Variants in ELAVL2 observed in about 807,000 individuals in gnomAD.
The protein encoded by ELAVL2 is ELAV like RNA binding protein 2.
In ELAVL2, 4 loss-of-function variants were observed where a neutral mutation model predicts 34.6. The observed-to-expected ratio is 0.12, with a 90% CI of 0.06 to 0.26. ELAVL2 has a LOEUF of 0.26. Among genes scored for constraint, ELAVL2 ranks in the 10% least tolerant of loss-of-function variants. The pLI, the probability that ELAVL2 is intolerant of heterozygous loss-of-function variation, is 1.00. For synonymous variants in ELAVL2, 193 were observed against 154.8 expected (o/e 1.25, Z -1.83); for missense variants, 432 against 442.8 (o/e 0.98, Z 0.22).
At chr9:23,698,636 A>G (rs775822515) in intron 5 of ELAVL2, among the ~76,000 whole-genome samples, 1 of 152,192 alleles carries the variant, frequency 6.6e-6, no homozygotes, top group Non-Finnish European at 1.5e-5. Flanking sequence ...AAACACAAAT[A>G]TCAGGGACAA....
intron 2 of ELAVL2, among the ~76,000 whole-genome samples, chr9:23,737,687 G>C (rs552108008): frequency 6.6e-6 from 1 of 152,298 alleles, no homozygotes; most frequent in South Asian, 2.1e-4. Flanking sequence ...TACACTGATT[G>C]ATGTGTATCT....
chr9:23,787,015 T>C (rs1564463732), intron 1 of ELAVL2, among the ~76,000 whole-genome samples: 2 of 152,104 alleles, frequency 1.3e-5, no homozygotes, highest in Non-Finnish European at 2.9e-5. Flanking sequence ...CTGAGGAACT[T>C]GGACCTGTAA....
intron 1 of ELAVL2, among the ~76,000 whole-genome samples, chr9:23,806,361 T>C (rs1318586488): frequency 6.6e-6 from 1 of 152,000 alleles, no homozygotes; most frequent in East Asian, 1.9e-4. Flanking sequence ...ACTAGCCAGG[T>C]GAGGTGGCTC....
intron 3 of ELAVL2, 136 bp from the exon 4 acceptor site, chr9:23,705,207 G>C (rs1036052027): frequency 7.5e-6 from 7 of 937,174 alleles, no homozygotes; most frequent in African/African-American, 6.7e-5. Flanking sequence ...GGTGCTAACT[G>C]CTTTATTCAT....
intron 1 of ELAVL2, among the ~76,000 whole-genome samples, chr9:23,786,157 G>A (rs1245809584): frequency 1.3e-5 from 2 of 152,132 alleles, no homozygotes; most frequent in African/African-American, 4.8e-5. Flanking sequence ...CAGAAGAATT[G>A]CTGTGAAAGC....
chr9:23,835,468 T>C, the ELAVL2 span, among the ~76,000 whole-genome samples: 33 of 152,258 alleles, frequency 2.2e-4, no homozygotes, highest in East Asian at 5.8e-3. Context: ...TTATTCCATT[T>C]ACATAGGCTA....
chr9:23,762,506 A>C (rs2055269764), intron 1 of ELAVL2, among the ~76,000 whole-genome samples: 1 of 152,112 alleles, frequency 6.6e-6, no homozygotes, highest in Admixed American at 6.6e-5. Context: ...ATTTTCTAGA[A>C]TCACATTCTG....
intron 1 of ELAVL2, chr9:23,783,533 A>T (rs2059331588): frequency 1.3e-5 from 13 of 984,518 alleles, no homozygotes; most frequent in Non-Finnish European, 1.6e-5. Flanking sequence ...TGGAGCTTTC[A>T]AATAAGGCTT....
chr9:23,821,677 C>G (rs1206007332), intron 1 of ELAVL2: 1 of 152,602 alleles, frequency 6.6e-6, no homozygotes, highest in African/African-American at 2.4e-5. Context: ...AGGAGTCGCT[C>G]GGGGCGAGCT....
At chr9:23,726,814 G>T (rs1225392894) in intron 3 of ELAVL2, among the ~76,000 whole-genome samples, 1 of 5,434 alleles carries the variant, frequency 1.8e-4, no homozygotes, top group Non-Finnish European at 3.0e-4. Context: ...ATACTATTTA[G>T]ATTTTTTTCA....
At chr9:23,746,911 A>C (rs1218894185) in intron 2 of ELAVL2, among the ~76,000 whole-genome samples, 1 of 152,132 alleles carries the variant, frequency 6.6e-6, no homozygotes, top group African/African-American at 2.4e-5. Flanking sequence ...ACAAATCATT[A>C]GTGGACCAGA....
chr9:23,821,372 C>G (rs1435731854), intron 1 of ELAVL2: 1 of 152,152 alleles, frequency 6.6e-6, no homozygotes, highest in Admixed American at 6.5e-5. Context: ...GGTGCCACCT[C>G]CCGAGGCGCC....
At chr9:23,821,231 G>A (rs1215861141) in intron 1 of ELAVL2, 1 of 152,440 alleles carries the variant, frequency 6.6e-6, no homozygotes, top group Admixed American at 6.5e-5. Context: ...ACTCACCTGC[G>A]TCTCAACAGT....
At chr9:23,816,570 C>G (rs1000449991) in intron 1 of ELAVL2, among the ~76,000 whole-genome samples, 6 of 152,106 alleles carry the variant, frequency 3.9e-5, no homozygotes, top group Non-Finnish European at 8.8e-5. Context: ...AAATCTATCA[C>G]TACAGATGGT....
chr9:23,744,294 T>C (rs115551510), intron 2 of ELAVL2, among the ~76,000 whole-genome samples: 233 of 152,328 alleles, frequency 1.5e-3, no homozygotes, highest in African/African-American at 5.4e-3. Context: ...CCATACAAAA[T>C]GTTAGGTATT....
rs755034184 is a variant in ELAVL2 at position 23,701,444 on chromosome 9, G to A, written c.648C>T (p.Ser216=). The stretch of plus-strand genomic sequence containing the variant: ...TTCTGTTTGGAGACTGGTACAGCTG[G>A]GAAAGGATGGCCTGATTGGTTTTTT... ...PSQKTNQAIL[S]QLYQSPNRRY... Residue 216 remains serine (S), a synonymous_variant, in exon 5 of 7, where the codon TCC becomes TCT. Transcript: ENST00000397312. 1 of 1,614,118 alleles carries A rather than the reference G, an allele frequency of 6.2e-7. No individual in the cohort carries two copies. Among genetic ancestry groups the A allele is most frequent in the Non-Finnish European group, 8.5e-7 (1 of 1,180,008 alleles).
intron 3 of ELAVL2, among the ~76,000 whole-genome samples, chr9:23,719,825 T>C (rs1007993688): frequency 7.6e-5 from 9 of 118,348 alleles, no homozygotes; most frequent in Non-Finnish European, 3.8e-5. Context: ...AAAAGCCACT[T>C]TTTTTTTTTT....
upstream of ELAVL2, chr9:23,826,364 A>G (rs2065297305): frequency 1.3e-5 from 2 of 152,376 alleles, no homozygotes; most frequent in Admixed American, 1.3e-4. Context: ...GCGCGGAAGT[A>G]TACGCCGAAT....
intron 1 of ELAVL2, among the ~76,000 whole-genome samples, chr9:23,811,015 A>G (rs560613291): frequency 5.8e-4 from 88 of 152,268 alleles, no homozygotes; most frequent in African/African-American, 2.1e-3. Flanking sequence ...AAAATTTCTT[A>G]CTGTTGCATT....
Sources: allele counts gnomAD v4.1 joint callset (sites outside exome capture counted in the v4.1 genomes callset), GRCh38; gene constraint gnomAD v4.1.1; transcripts MANE v1.5; gene names NCBI Gene and HGNC (gene_info 2026-07-23, HGNC 2026-07-21).